Variants in FHAD1 observed in about 807,000 individuals in gnomAD.
FHAD1 encodes forkhead associated phosphopeptide binding domain 1.
In FHAD1, 146 loss-of-function variants were observed where a neutral mutation model predicts 191.3. The observed-to-expected ratio is 0.76, with a 90% CI of 0.67 to 0.88. The LOEUF (loss-of-function observed/expected upper bound fraction) is 0.88. Among genes scored for constraint, FHAD1 ranks in the 40% least tolerant of loss-of-function variants. FHAD1 has a pLI of 0.00. For missense variants in FHAD1, 1,635 were observed against 1,785.8 expected (o/e 0.92, Z 1.52); for synonymous variants, 616 against 672.3 (o/e 0.92, Z 1.29).
Position 15,312,213 on chromosome 1 carries a change from G to A in FHAD1, c.1040-844G>A, listed in dbSNP as rs540713018. 6.6e-6 allele frequency: 1 copy of A among 152,396 alleles called. No individual in the cohort carries two copies. Among genetic ancestry groups the A allele is most frequent in the South Asian group, 2.1e-4 (1 of 4,822 alleles). The allele number at this position is 152,396 out of a possible 1,614,324, so 9.4% of individuals were successfully genotyped here. A position where few individuals can be genotyped will look rare whatever the true frequency, so the allele number is the denominator to read the frequency against. On this transcript the variant is annotated intron_variant, in intron 7 of 33. Coordinates refer to ENST00000688493, the MANE Select transcript of FHAD1 (RefSeq NM_001391957.1). This position sits in a 1 kb window ranked among gnomAD's most constrained non-coding sequence, Gnocchi z 4.7. ...GTGGGAGGGGGCTACACGAGGCCAG[G>A]TATTCTAACAGGCAGGGATCATGGG...
intron 1 of FHAD1, among the ~76,000 whole-genome samples, chr1:15,240,676 G>A (rs1378533793): frequency 2.0e-5 from 3 of 150,534 alleles, no homozygotes; most frequent in Admixed American, 6.6e-5. Context: ...AAAGCAGATC[G>A]GGCCGGGCGT....
At chr1:15,324,882 A>T in intron 11 of FHAD1, 1 of 363,976 alleles carries the variant, frequency 2.7e-6, no homozygotes, top group African/African-American at 2.0e-5. Flanking sequence ...TTTTCTCCTT[A>T]ATGTTTTTAG....
intron 4 of FHAD1, among the ~76,000 whole-genome samples, chr1:15,293,361 T>C (rs1665568874): frequency 6.6e-6 from 1 of 152,234 alleles, no homozygotes; most frequent in African/African-American, 2.4e-5. Context: ...TGTATGTTTT[T>C]CATGTGAGGC....
chr1:15,385,899 C>T (rs764935178), intron 31 of FHAD1, among the ~76,000 whole-genome samples: 1 of 152,254 alleles, frequency 6.6e-6, no homozygotes, highest in African/African-American at 2.4e-5. Flanking sequence ...TGGTCATCAG[C>T]CTCCTGACTC....
intron 2 of FHAD1, among the ~76,000 whole-genome samples, chr1:15,252,885 C>T (rs1203623517): frequency 6.6e-6 from 1 of 152,066 alleles, no homozygotes; most frequent in Non-Finnish European, 1.5e-5. Context: ...TGGATTTGAG[C>T]CTTTTTAAAC....
chr1:15,278,082 C>T (rs1461747541), intron 3 of FHAD1, among the ~76,000 whole-genome samples: 4 of 152,156 alleles, frequency 2.6e-5, no homozygotes, highest in South Asian at 2.1e-4. Context: ...AACCAGAGGT[C>T]GGCAGACTAC....
At chr1:15,254,986 G>A (rs1647307054) in intron 2 of FHAD1, among the ~76,000 whole-genome samples, 1 of 152,044 alleles carries the variant, frequency 6.6e-6, no homozygotes, top group Non-Finnish European at 1.5e-5. Flanking sequence ...TGCCTTCACT[G>A]GGCCTTTCTG....
intron 5 of FHAD1, among the ~76,000 whole-genome samples, chr1:15,300,243 A>G (rs966810409): frequency 1.3e-5 from 2 of 152,026 alleles, no homozygotes; most frequent in South Asian, 2.1e-4. Context: ...TTTTGGAGAG[A>G]TGGGGGACTG....
At chr1:15,286,781 G>C (rs993429826) in intron 3 of FHAD1, among the ~76,000 whole-genome samples, 49 of 152,184 alleles carry the variant, frequency 3.2e-4, no homozygotes, top group African/African-American at 1.2e-3. Flanking sequence ...TTCTGGCCTG[G>C]CCACTGCAGA....
intron 7 of FHAD1, among the ~76,000 whole-genome samples, chr1:15,310,630 A>T (rs753968679): frequency 2.0e-5 from 3 of 152,100 alleles, no homozygotes; most frequent in Non-Finnish European, 4.4e-5. Context: ...AGAAACTGGG[A>T]ATTTCAGGCC....
chr1:15,309,124 A>G (rs1671452977), intron 7 of FHAD1, among the ~76,000 whole-genome samples: 1 of 152,208 alleles, frequency 6.6e-6, no homozygotes, highest in Non-Finnish European at 1.5e-5. Context: ...TGCCAGTTTA[A>G]GGCACCCAGC....
At chr1:15,394,811 G>C (rs975088392) in intron 33 of FHAD1, among the ~76,000 whole-genome samples, 1 of 152,192 alleles carries the variant, frequency 6.6e-6, no homozygotes, top group Admixed American at 6.5e-5. Context: ...AGGTGTATGT[G>C]CAGCCTGAAG....
chr1:15,314,242 G>A (rs151149607), intron 8 of FHAD1, among the ~76,000 whole-genome samples: 6 of 152,168 alleles, frequency 3.9e-5, no homozygotes, highest in African/African-American at 9.6e-5. Flanking sequence ...TGAAGAGTTC[G>A]CCAAGTCTGC....
At chr1:15,367,044 G>T (rs1412737685) in intron 24 of FHAD1, among the ~76,000 whole-genome samples, 1 of 152,172 alleles carries the variant, frequency 6.6e-6, no homozygotes, top group East Asian at 1.9e-4. Flanking sequence ...GACATTTATG[G>T]CTGAGGTTTT....
chr1:15,246,480 GATA>G (rs199588484), upstream of FHAD1, among the ~76,000 whole-genome samples: 43,000 of 151,746 alleles, frequency 0.28, 7,064 homozygotes, highest in Non-Finnish European at 0.38. Context: ...TCCTGCTGGA[GATA>G]GTGGCGGGAG....
intron 4 of FHAD1, among the ~76,000 whole-genome samples, chr1:15,294,110 G>A (rs1435672841): frequency 1.3e-5 from 2 of 152,268 alleles, no homozygotes; most frequent in South Asian, 4.1e-4. Context: ...GTCAGACCCG[G>A]GCCTCTCTGC....
chr1:15,252,187 C>G (rs1215298901), intron 2 of FHAD1, among the ~76,000 whole-genome samples: 1 of 152,192 alleles, frequency 6.6e-6, no homozygotes, highest in Non-Finnish European at 1.5e-5. Context: ...GGGTTCTTGG[C>G]TTTGCACAGG....
chr1:15,296,217 A>C (rs928644018), intron 4 of FHAD1, among the ~76,000 whole-genome samples: 33 of 150,958 alleles, frequency 2.2e-4, no homozygotes, highest in Non-Finnish European at 4.1e-4. Flanking sequence ...TGATGCTTTC[A>C]CTGCTTTTCA....
At chr1:15,314,933 CTGA>C (rs1673823558) in intron 8 of FHAD1, 1 of 151,148 alleles carries the variant, frequency 6.6e-6, no homozygotes, top group African/African-American at 2.4e-5. Context: ...GGCTGTAGAG[CTGA>C]TGTTAGGTGG....
Sources: allele counts gnomAD v4.1 joint callset (sites outside exome capture counted in the v4.1 genomes callset), GRCh38; gene constraint gnomAD v4.1.1; non-coding constraint Gnocchi (gnomAD v3.1); transcripts MANE v1.5; gene names NCBI Gene and HGNC (gene_info 2026-07-23, HGNC 2026-07-21).